DAP: variants seen among roughly 807,000 people sequenced by gnomAD.
DAP encodes the protein death-associated protein 1.
DAP carries 8 observed loss-of-function variants against 13.8 expected under a neutral mutation model. The ratio of observed to expected loss-of-function variants is 0.58; its 90% CI spans 0.34 to 1.05. The LOEUF is 1.05. Among genes scored for constraint, DAP ranks in the 50% least tolerant of loss-of-function variants. DAP has a pLI of 0.03. For missense variants in DAP, 106 were observed against 133.2 expected, an observed-to-expected ratio of 0.80 and a Z score of 1.01; for synonymous variants, 47 against 47.5, an observed-to-expected ratio of 0.99 and a Z score of 0.04.
At position 10,680,991 on chromosome 5, in the gene DAP, CTCTG is replaced by C; in HGVS notation, c.*61_*64del. On this transcript the variant is annotated 3_prime_UTR_variant, in exon 4 of 4. Transcript: ENST00000230895. ...GGATTTGGGCGAAACTGCTGGTTCT[CTCTG>C]TCAGGGAAATACCAAGTGCAGCAGA... 6.4e-7 allele frequency: 1 copy of C among 1,550,622 alleles called. No individual in the cohort carries two copies. Among genetic ancestry groups the C allele is most frequent in the Non-Finnish European group, 8.7e-7 (1 of 1,147,804 alleles).
chr5:10,695,771 C>G (rs1194732874), intron 2 of DAP, among the ~76,000 whole-genome samples: 3 of 152,134 alleles, frequency 2.0e-5, no homozygotes, highest in Non-Finnish European at 2.9e-5. Flanking sequence ...GAAGGATGCT[C>G]TCATTTGGGG....
chr5:10,682,793 C>A (rs1254579381), intron 3 of DAP, among the ~76,000 whole-genome samples: 1 of 152,238 alleles, frequency 6.6e-6, no homozygotes, highest in Non-Finnish European at 1.5e-5. Flanking sequence ...GCGACTCCCA[C>A]AGAACTGACT....
intron 2 of DAP, among the ~76,000 whole-genome samples, chr5:10,740,660 T>C (rs1352931523): frequency 6.6e-6 from 1 of 151,970 alleles, no homozygotes; most frequent in African/African-American, 2.4e-5. Context: ...AAAGAAAAAA[T>C]TTTTAACTAG....
chr5:10,683,145 G>T, intron 3 of DAP: 1 of 288,212 alleles, frequency 3.5e-6, no homozygotes, highest in Middle Eastern at 1.2e-3. Flanking sequence ...ACAGTGGGCT[G>T]TCCCCAACAC....
At chr5:10,721,872 T>C (rs555281604) in intron 2 of DAP, among the ~76,000 whole-genome samples, 23 of 152,324 alleles carry the variant, frequency 1.5e-4, no homozygotes, top group Non-Finnish European at 3.4e-4. Context: ...ACTAAGAAAA[T>C]ATCTTTATTG....
At chr5:10,710,676 G>A (rs142074381) in intron 2 of DAP, among the ~76,000 whole-genome samples, 151 of 152,328 alleles carry the variant, frequency 9.9e-4, no homozygotes, top group African/African-American at 3.5e-3. Context: ...GTGCCCTGAA[G>A]GCAGGACGTG....
chr5:10,725,962 T>C (rs1381992237), intron 2 of DAP, among the ~76,000 whole-genome samples: 1 of 152,234 alleles, frequency 6.6e-6, no homozygotes, highest in Non-Finnish European at 1.5e-5. Context: ...GGTAGCTGTA[T>C]TTGCTGTTAT....
intron 2 of DAP, among the ~76,000 whole-genome samples, chr5:10,719,489 G>A (rs1579803301): frequency 6.6e-6 from 1 of 152,200 alleles, no homozygotes; most frequent in East Asian, 1.9e-4. Context: ...GCCATCTTCT[G>A]CAGATAACTA....
chr5:10,731,454 G>C (rs1579810865), intron 2 of DAP, among the ~76,000 whole-genome samples: 1 of 152,218 alleles, frequency 6.6e-6, no homozygotes, highest in South Asian at 2.1e-4. Context: ...CTGTGTGAGG[G>C]TTCCTGAACC....
chr5:10,696,342 G>T (rs867691521), intron 2 of DAP, among the ~76,000 whole-genome samples: 6 of 152,060 alleles, frequency 3.9e-5, no homozygotes, highest in African/African-American at 1.4e-4. Flanking sequence ...GGGGTGTGGC[G>T]GGGGGGAGGC....
chr5:10,695,129 C>T (rs1305588043), intron 2 of DAP, among the ~76,000 whole-genome samples: 1 of 152,222 alleles, frequency 6.6e-6, no homozygotes, highest in Non-Finnish European at 1.5e-5. Flanking sequence ...ACGTCTCACT[C>T]GATTGCACCC....
At chr5:10,700,254 C>G (rs144472357) in intron 2 of DAP, among the ~76,000 whole-genome samples, 8 of 152,304 alleles carry the variant, frequency 5.3e-5, no homozygotes, top group African/African-American at 1.9e-4. Context: ...CATGGCTGGG[C>G]AGATAAGTCC....
intron 1 of DAP, among the ~76,000 whole-genome samples, chr5:10,749,652 C>A (rs1030980021): frequency 2.0e-5 from 3 of 151,936 alleles, no homozygotes; most frequent in Non-Finnish European, 4.4e-5. Flanking sequence ...CCAAGAGAGA[C>A]CTTCTTGGCC....
chr5:10,705,881 T>C (rs760704835), intron 2 of DAP, among the ~76,000 whole-genome samples: 42 of 152,322 alleles, frequency 2.8e-4, no homozygotes, highest in Non-Finnish European at 4.9e-4. Flanking sequence ...ATTAGTTCCA[T>C]GAGCCATAAA....
rs911762786 is a variant in DAP, at chr5:10,681,168, C to A, written c.197G>T (p.Gly66Val). 6 of 1,498,292 alleles carry A rather than the reference C, an allele frequency of 4.0e-6. No individual in the cohort carries two copies. Among genetic ancestry groups the A allele is most frequent in the African/African-American group, 1.4e-5 (1 of 71,536 alleles). The allele number at this position is 1,498,292 out of a possible 1,614,324, so 92.8% of individuals were successfully genotyped here. A position where few individuals can be genotyped will look rare whatever the true frequency, so the allele number is the denominator to read the frequency against. ...AGCCGCCGGGGGGAAATCTTTGTCA[C>A]CCTGTCAGGAAACACGGAAAGCTCA... ...TVFISGVIAR[G>V]DKDFPPAAAQ... is the part of the protein sequence containing the mutation. The change falls in exon 4 of 4, where the codon GGT becomes GTT. Residue 66 changes from glycine (G) to valine (V), a missense_variant and splice_region_variant. Physicochemically the swap from Gly to Val is moderately radical, Grantham distance 109. Transcript: ENST00000230895.
intron 2 of DAP, among the ~76,000 whole-genome samples, chr5:10,738,727 T>A (rs1739679500): frequency 6.6e-6 from 1 of 152,228 alleles, no homozygotes; most frequent in Non-Finnish European, 1.5e-5. Context: ...ATGGGCCAAG[T>A]CTGAAGAGTC....
At chr5:10,714,614 T>C (rs113248151) in intron 2 of DAP, among the ~76,000 whole-genome samples, 152 of 152,296 alleles carry the variant, frequency 1.0e-3, no homozygotes, top group African/African-American at 3.5e-3. Context: ...GATATGCAGA[T>C]ACATGGTGAT....
chr5:10,702,179 A>G (rs1738595763), intron 2 of DAP, among the ~76,000 whole-genome samples: 1 of 152,218 alleles, frequency 6.6e-6, no homozygotes, highest in Admixed American at 6.5e-5. Flanking sequence ...CGCCTGGCAC[A>G]TGGTCTGGTG....
chr5:10,731,775 G>C (rs1345981810), intron 2 of DAP, among the ~76,000 whole-genome samples: 3 of 152,234 alleles, frequency 2.0e-5, no homozygotes, highest in Non-Finnish European at 4.4e-5. Context: ...CCTAAAAAGA[G>C]ATGAAAGAGA....
Sources: gnomAD v4.1 joint callset for allele counts (sites outside exome capture counted in the v4.1 genomes callset) on GRCh38, gnomAD v4.1.1 for gene constraint, MANE v1.5 for transcripts, NCBI Gene and HGNC (gene_info 2026-07-23, HGNC 2026-07-21) for gene names.